The following MMS19 variants were observed in gnomAD, a reference collection of about 807,000 sequenced individuals.
MMS19 encodes the protein MMS19 nucleotide excision repair protein homolog.
Under a neutral mutation model 129.8 loss-of-function variants are expected in MMS19, and 77 were observed. The observed-to-expected ratio is 0.59, with a 90% CI of 0.49 to 0.72. MMS19 has a LOEUF of 0.72. Among genes scored for constraint, MMS19 ranks in the 30% least tolerant of loss-of-function variants. MMS19 has a pLI of 0.00. For missense variants in MMS19, 1,168 were observed against 1,266.3 expected (o/e 0.92, Z 1.18); for synonymous variants, 491 against 502.8 (o/e 0.98, Z 0.31).
chr10:97,469,159 C>T, intron 11 of MMS19, 55 bp from the exon 12 acceptor site: 1 of 1,526,116 alleles, frequency 6.6e-7, no homozygotes, highest in Non-Finnish European at 8.7e-7. Flanking sequence ...GATGAGACCC[C>T]ACCAATCCAC....
rs543963811 is a variant in MMS19, at chr10:97,485,554, G to A, written c.113-1403C>T. ...TTTTGAACTCCTGACCTCGTGATCC[G>A]CCCGCCTTGGCCTCCCAAAGTGCTG... On this transcript the variant is annotated intron_variant, in intron 1 of 30. Coordinates refer to ENST00000438925, the MANE Select transcript of MMS19 (RefSeq NM_022362.5). 2.6e-5 allele frequency among the ~76,000 whole-genome samples: 4 copies of A among 151,776 alleles called. No homozygotes were observed. In the South Asian group the frequency reaches 8.3e-4, roughly 32 times the overall value.
At chr10:97,482,726 G>GTATA (rs1405957328) in intron 2 of MMS19, among the ~76,000 whole-genome samples, 6 of 104,794 alleles carry the variant, frequency 5.7e-5, no homozygotes, top group African/African-American at 2.2e-4. Flanking sequence ...GTGTGTGTGT[G>GTATA]TGTATATATA....
At chr10:97,473,045 T>A (rs11189232) in intron 8 of MMS19, among the ~76,000 whole-genome samples, 1,527 of 152,060 alleles carry the variant, frequency 0.01, 26 homozygotes, top group African/African-American at 0.032. Context: ...TTATTTATTT[T>A]TTTTTTTGAG....
rs1439089601 is a variant in MMS19, at chr10:97,481,060, A to G, written c.162-18T>C. On this transcript the variant is annotated intron_variant, in intron 2 of 30. Coordinates refer to ENST00000438925, the MANE Select transcript of MMS19 (RefSeq NM_022362.5). ...GAGAGGACCTAGGGGAAAACAGGAT[A>G]GAGAGAACCTGCAATTACCCAGTTC... is the stretch of plus-strand genomic sequence containing the variant. The G allele has an allele frequency of 2.8e-6, 4 of 1,428,362 alleles. No homozygotes were observed. Among genetic ancestry groups the G allele is most frequent in the Non-Finnish European group, 2.0e-6 (2 of 1,019,188 alleles). 88.5% of individuals were successfully genotyped at this position (1,428,362 alleles called of 1,614,324 possible). A position where few individuals can be genotyped will look rare whatever the true frequency, so the allele number is the denominator to read the frequency against.
chr10:97,484,610 A>C (rs1589750974), intron 1 of MMS19, among the ~76,000 whole-genome samples: 2 of 152,160 alleles, frequency 1.3e-5, no homozygotes, highest in East Asian at 3.9e-4. Context: ...ATCATGGTAA[A>C]ATACACTACA....
intron 18 of MMS19, among the ~76,000 whole-genome samples, chr10:97,465,208 G>T (rs1030900333): frequency 8.9e-5 from 13 of 145,692 alleles, no homozygotes; most frequent in African/African-American, 3.1e-4. Context: ...CACCATGTTG[G>T]TCAGGCTGGT....
intron 18 of MMS19, among the ~76,000 whole-genome samples, chr10:97,464,350 G>A (rs1259788635): frequency 6.6e-6 from 1 of 152,192 alleles, no homozygotes; most frequent in East Asian, 1.9e-4. Context: ...CAGGGTCACA[G>A]GAAGTGCAAA....
At chr10:97,496,267 G>A (rs1205798552) in intron 1 of MMS19, among the ~76,000 whole-genome samples, 2 of 152,158 alleles carry the variant, frequency 1.3e-5, no homozygotes, top group Non-Finnish European at 2.9e-5. Flanking sequence ...TGTAATCCCA[G>A]CACTTCGGGA....
chr10:97,461,689 T>C, intron 22 of MMS19, 67 bp from the exon 23 acceptor site: 5 of 1,568,586 alleles, frequency 3.2e-6, no homozygotes, highest in Non-Finnish European at 4.3e-6. Flanking sequence ...CAGTACATAG[T>C]GGCAGCAGGG....
rs1416730519 is a variant in MMS19 at position 97,498,357 on chromosome 10, C to G, written c.28G>C (p.Ala10Pro). 6.4e-7 allele frequency: 1 copy of G among 1,573,028 alleles called. No homozygotes were observed. Among genetic ancestry groups the G allele is most frequent in the Non-Finnish European group, 8.6e-7 (1 of 1,167,208 alleles). ...CCCCATAGGGCACCCATAGGCGCCG[C>G]CGCCTCCACAGCCGCGGCAGCGGCC... MAAAAAVEA[A>P]APMGALWGLV... The change falls in exon 1 of 31, where the codon GCG becomes CCG. Residue 10 changes from alanine to proline, a missense_variant. Coordinates refer to ENST00000438925, the MANE Select transcript of MMS19 (RefSeq NM_022362.5).
chr10:97,480,870 G>C, intron 3 of MMS19, 72 bp downstream of exon 3: 1 of 1,032,304 alleles, frequency 9.7e-7, no homozygotes, highest in Non-Finnish European at 1.5e-6. Context: ...TGCCTGTAAA[G>C]TTGGCTTGAA....
At chr10:97,496,368 C>T (rs2039781004) in intron 1 of MMS19, among the ~76,000 whole-genome samples, 4 of 151,820 alleles carry the variant, frequency 2.6e-5, no homozygotes, top group South Asian at 2.1e-4. Flanking sequence ...AAAAATTAGC[C>T]GAGCGCAGTG....
At position 97,463,892 on chromosome 10, in the gene MMS19, G is replaced by C; in HGVS notation, c.1878C>G (p.Cys626Trp). 2 of 1,612,320 alleles carry C rather than the reference G, an allele frequency of 1.2e-6. No homozygotes were observed. The highest frequency in any genetic ancestry group is 1.7e-6 in the Non-Finnish European group (2 of 1,179,178). Reference protein sequence around the residue: ...CWYFHQTAIPCLLALAVQASM... With the variant: ...CWYFHQTAIPWLLALAVQASM... ...AGGCCTGCACAGCCAAGGCAAGCAG[G>C]CAAGGTATAGCTGTCTGGTGGAAAT... Residue 626 changes from cysteine to tryptophan, a missense_variant, in exon 19 of 31, where the codon TGC becomes TGG. Transcript: ENST00000438925.
chr10:97,465,675 C>A (rs921459573), intron 18 of MMS19, 130 bp downstream of exon 18: 7 of 885,798 alleles, frequency 7.9e-6, no homozygotes, highest in Non-Finnish European at 1.0e-5. Flanking sequence ...ACGCAGGCAT[C>A]AGTATTTTTT....
chr10:97,460,040 C>T lies in MMS19; in HGVS notation c.2656+6G>A, dbSNP rs774042416. On this transcript the variant is annotated splice_donor_region_variant and intron_variant, in intron 26 of 30. Coordinates refer to ENST00000438925, the MANE Select transcript of MMS19 (RefSeq NM_022362.5). Reference sequence around the variant, plus strand: ...ATATGTGGGGACCTTCTTTCAGACTCCTCACCTTGGGGAGCAGCATGGAAG... The same window carrying T: ...ATATGTGGGGACCTTCTTTCAGACTTCTCACCTTGGGGAGCAGCATGGAAG... The T allele has an allele frequency of 1.9e-6, 3 of 1,612,406 alleles. No individual in the cohort carries two copies. The highest frequency in any genetic ancestry group is 2.2e-5 in the East Asian group (1 of 44,818).
chr10:97,465,127 A>T (rs1425820991), intron 18 of MMS19, among the ~76,000 whole-genome samples: 1 of 152,034 alleles, frequency 6.6e-6, no homozygotes, highest in Non-Finnish European at 1.5e-5. Flanking sequence ...ATCCTGCCTC[A>T]GCCTCCTGAG....
In MMS19 at chr10:97,477,949, A is replaced by G; in HGVS notation, c.349-20T>C. The G allele has an allele frequency of 6.5e-7, 1 of 1,547,562 alleles. No individual in the cohort carries two copies. The highest frequency in any genetic ancestry group is 8.7e-7 in the Non-Finnish European group (1 of 1,144,934). ...CAGGCTCTGGGGGAGAGGAGAAGGT[A>G]CGTGAATACCGAAGGAATTGCAGCA... On this transcript the variant is annotated intron_variant, in intron 4 of 30. Coordinates refer to ENST00000438925, the MANE Select transcript of MMS19 (RefSeq NM_022362.5).
intron 20 of MMS19, 40 bp downstream of exon 20, chr10:97,462,543 C>A (rs781343863): frequency 6.8e-7 from 1 of 1,468,304 alleles, no homozygotes; most frequent in Admixed American, 1.7e-5. Flanking sequence ...GAATGCTATC[C>A]TTCTCCCTGG....
chr10:97,480,595 T>G (rs1262672183), intron 3 of MMS19, among the ~76,000 whole-genome samples: 1 of 152,178 alleles, frequency 6.6e-6, no homozygotes, highest in East Asian at 1.9e-4. Context: ...GTGTCTTTCT[T>G]TTTTGAGATG....
Sources: allele counts gnomAD v4.1 joint callset (sites outside exome capture counted in the v4.1 genomes callset), GRCh38; gene constraint gnomAD v4.1.1; transcripts MANE v1.5; gene names NCBI Gene and HGNC (gene_info 2026-07-23, HGNC 2026-07-21).